Variants in CCDC7 observed in about 807,000 individuals in gnomAD.
CCDC7 encodes the protein coiled-coil domain containing 7, also known as coiled-coil domain-containing protein 7.
In CCDC7, 183 loss-of-function variants were observed where a neutral mutation model predicts 196.9. The observed-to-expected ratio is 0.93, with a 90% CI of 0.82 to 1.05. The LOEUF (loss-of-function observed/expected upper bound fraction) is 1.05, where lower values mean the gene tolerates loss of function less well. Among genes scored for constraint, CCDC7 ranks in the 50% least tolerant of loss-of-function variants. The pLI is 0.00. For missense variants in CCDC7, 1,540 were observed against 1,482.2 expected, an observed-to-expected ratio of 1.04 and a Z score of -0.64; for synonymous variants, 525 against 484.6, an observed-to-expected ratio of 1.08 and a Z score of -1.10.
chr10:32,740,651 C>A (rs1373321510), intron 28 of CCDC7, among the ~76,000 whole-genome samples: 1 of 152,084 alleles, frequency 6.6e-6, no homozygotes, highest in Non-Finnish European at 1.5e-5. Flanking sequence ...ACAAACTTCT[C>A]CTAATTTTAA....
intron 16 of CCDC7, among the ~76,000 whole-genome samples, chr10:32,576,546 T>C (rs1337833070): frequency 6.8e-6 from 1 of 147,224 alleles, no homozygotes; most frequent in Non-Finnish European, 1.5e-5. Context: ...GGCCTGTGTG[T>C]CTTTTTTTTT....
At position 32,507,304 on chromosome 10, in the gene CCDC7, A is replaced by C. The variant is rs189979020; in HGVS notation, c.873-10641A>C. 1.7e-4 allele frequency among the ~76,000 whole-genome samples: 25 copies of C among 151,208 alleles called. No homozygotes were observed. In the East Asian group the frequency reaches 4.8e-3, roughly 29 times the overall value. Reference sequence around the variant, plus strand: ...CCGCGCCTGGCCTGTGTGTTCTTAAAGTTTTTGTGAGTCTCTTGTGGGCAG... The same window carrying C: ...CCGCGCCTGGCCTGTGTGTTCTTAACGTTTTTGTGAGTCTCTTGTGGGCAG... On this transcript the variant is annotated intron_variant, in intron 9 of 41. Coordinates refer to ENST00000639629, the Ensembl canonical transcript of CCDC7.
chr10:32,731,947 G>T (rs776016881), intron 28 of CCDC7, among the ~76,000 whole-genome samples: 1 of 152,234 alleles, frequency 6.6e-6, no homozygotes, highest in Non-Finnish European at 1.5e-5. Flanking sequence ...CGGCTACTTG[G>T]GAGGCTGAGA....
At chr10:32,638,662 G>A (rs948806557) in intron 20 of CCDC7, among the ~76,000 whole-genome samples, 3 of 152,166 alleles carry the variant, frequency 2.0e-5, no homozygotes, top group Non-Finnish European at 4.4e-5. Context: ...TTGCATTGAT[G>A]TTCATCAAGG....
At chr10:32,749,486 A>G (rs2504335) in intron 28 of CCDC7, among the ~76,000 whole-genome samples, 58,469 of 152,098 alleles carry the variant, frequency 0.38, 13,896 homozygotes, top group Non-Finnish European at 0.54. Context: ...AACTAGGTAT[A>G]TCTATGAAAT....
chr10:32,651,282 T>C (rs2068713659), intron 20 of CCDC7, among the ~76,000 whole-genome samples: 1 of 152,166 alleles, frequency 6.6e-6, no homozygotes, highest in Non-Finnish European at 1.5e-5. Flanking sequence ...GGGAAACAGC[T>C]GGGGTGCTCA....
intron 5 of CCDC7, among the ~76,000 whole-genome samples, chr10:32,463,721 G>C (rs183599359): frequency 4.1e-4 from 62 of 152,194 alleles, no homozygotes; most frequent in African/African-American, 1.4e-3. Context: ...AGTTTATTTG[G>C]GGGTATTTAA....
At chr10:32,674,183 G>T (rs1041971166) in intron 21 of CCDC7, among the ~76,000 whole-genome samples, 1 of 151,008 alleles carries the variant, frequency 6.6e-6, no homozygotes, top group African/African-American at 2.4e-5. Flanking sequence ...GAAGTGTAAA[G>T]TTAGGTTGTT....
chr10:32,495,440 G>A (rs568992635), intron 9 of CCDC7, among the ~76,000 whole-genome samples: 1 of 152,230 alleles, frequency 6.6e-6, no homozygotes, highest in East Asian at 1.9e-4. Context: ...ATTGTTTTTG[G>A]TGTTTTAGTC....
At chr10:32,533,016 T>C (rs1027435966) in intron 11 of CCDC7, among the ~76,000 whole-genome samples, 2 of 151,998 alleles carry the variant, frequency 1.3e-5, no homozygotes, top group African/African-American at 4.8e-5. Context: ...TGTTTTCTGA[T>C]TGTTTTGAGT....
intron 29 of CCDC7, among the ~76,000 whole-genome samples, chr10:32,795,274 TC>T (rs1401167550): frequency 2.6e-5 from 4 of 152,268 alleles, no homozygotes; most frequent in African/African-American, 9.6e-5. Context: ...TCTTTGTTCT[TC>T]CCCCCTTCAC....
chr10:32,743,168 G>A (rs746270684), intron 28 of CCDC7, among the ~76,000 whole-genome samples: 5 of 152,142 alleles, frequency 3.3e-5, no homozygotes, highest in African/African-American at 4.8e-5. Context: ...ATTCATTTGG[G>A]TAAATATCAA....
chr10:32,564,928 G>A (rs1273624082), intron 13 of CCDC7, among the ~76,000 whole-genome samples: 1 of 148,212 alleles, frequency 6.7e-6, no homozygotes, highest in Non-Finnish European at 1.5e-5. Flanking sequence ...AGTGAGCTAG[G>A]AACCCACTGC....
intron 33 of CCDC7, among the ~76,000 whole-genome samples, chr10:32,843,921 CT>C (rs1388112916): frequency 6.6e-6 from 1 of 151,922 alleles, no homozygotes; most frequent in East Asian, 1.9e-4. Flanking sequence ...CTGGTCCATA[CT>C]TTGGTTTAGA....
intron 3 of CCDC7, among the ~76,000 whole-genome samples, chr10:32,462,310 A>G (rs951989430): frequency 6.6e-6 from 1 of 152,158 alleles, no homozygotes; most frequent in African/African-American, 2.4e-5. Flanking sequence ...ATGTAGTCCT[A>G]GCTACTCAGG....
chr10:32,710,196 A>T (rs1302818190), intron 24 of CCDC7, among the ~76,000 whole-genome samples: 1 of 152,170 alleles, frequency 6.6e-6, no homozygotes, highest in Non-Finnish European at 1.5e-5. Flanking sequence ...TACCTCATTC[A>T]TCATGCAGGC....
intron 18 of CCDC7, among the ~76,000 whole-genome samples, chr10:32,603,493 G>A (rs113676470): frequency 2.7e-5 from 4 of 150,388 alleles, no homozygotes; most frequent in African/African-American, 9.7e-5. Context: ...TCATATTGTA[G>A]TTATATTTTT....
At chr10:32,544,257 C>T in exon 13 of CCDC7, 2 of 1,604,088 alleles carry the variant, frequency 1.2e-6, no homozygotes, top group Non-Finnish European at 1.7e-6. Context: ...GAAGATGTCT[C>T]CAGAAAAAGA....
At chr10:32,748,312 C>T (rs897642267) in intron 28 of CCDC7, among the ~76,000 whole-genome samples, 6 of 152,062 alleles carry the variant, frequency 3.9e-5, no homozygotes, top group Non-Finnish European at 8.8e-5. Context: ...TCCCATGACA[C>T]ACAATTTACC....
Sources: gnomAD v4.1 joint callset for allele counts (sites outside exome capture counted in the v4.1 genomes callset) on GRCh38, gnomAD v4.1.1 for gene constraint, MANE v1.5 for transcripts, NCBI Gene and HGNC (gene_info 2026-07-23, HGNC 2026-07-21) for gene names.